The following PDE1C variants were observed in gnomAD, a reference collection of about 807,000 sequenced individuals.
PDE1C encodes phosphodiesterase 1C, also known as dual specificity calcium/calmodulin-dependent 3',5'-cyclic nucleotide phosphodiesterase 1C.
A neutral mutation model predicts 93.1 loss-of-function variants in PDE1C; 62 were observed. The ratio of observed to expected loss-of-function variants is 0.67; its 90% CI spans 0.54 to 0.82. The LOEUF (loss-of-function observed/expected upper bound fraction) is 0.82, where lower values mean the gene tolerates loss of function less well. PDE1C is among the 40% of genes least tolerant of loss of function. The pLI is 0.00. For synonymous variants in PDE1C, 325 were observed against 310.1 expected, an observed-to-expected ratio of 1.05 and a Z score of -0.50; for missense variants, 742 against 884.6, an observed-to-expected ratio of 0.84 and a Z score of 2.04.
At chr7:32,269,253 A>G (rs1290352880) in intron 1 of PDE1C, among the ~76,000 whole-genome samples, 2 of 147,252 alleles carry the variant, frequency 1.4e-5, no homozygotes, top group East Asian at 3.9e-4. Flanking sequence ...ATTCTGAGCC[A>G]GGGGGGGTGA....
chr7:31,759,743 C>G (rs919286661), intron 17 of PDE1C, among the ~76,000 whole-genome samples: 1 of 152,296 alleles, frequency 6.6e-6, no homozygotes. Flanking sequence ...AAAAGCAATG[C>G]TCTTTTAGGA....
intron 3 of PDE1C, among the ~76,000 whole-genome samples, chr7:32,123,522 T>C (rs1799410919): frequency 6.6e-6 from 1 of 152,180 alleles, no homozygotes; most frequent in Non-Finnish European, 1.5e-5. Flanking sequence ...CAAGTTGGCT[T>C]CATCCCTGGG....
chr7:32,398,148 G>A (rs1246235092), intron 1 of PDE1C, among the ~76,000 whole-genome samples: 1 of 141,956 alleles, frequency 7.0e-6, no homozygotes, highest in Non-Finnish European at 1.5e-5. Context: ...GCAAGACTCC[G>A]TCTCAAAAAA....
chr7:31,887,251 C>T (rs1294317616), intron 2 of PDE1C, among the ~76,000 whole-genome samples: 4 of 152,128 alleles, frequency 2.6e-5, no homozygotes, highest in African/African-American at 4.8e-5. Flanking sequence ...TGTTTTGGGG[C>T]ATGCGGTTTC....
chr7:32,302,332 G>A (rs75493457), upstream of PDE1C, among the ~76,000 whole-genome samples: 3,255 of 152,260 alleles, frequency 0.021, 60 homozygotes, highest in South Asian at 0.074. Context: ...GGGAAACAAG[G>A]AGGGAAGAAG....
At chr7:32,002,461 C>CCT (rs1240891855) in intron 2 of PDE1C, among the ~76,000 whole-genome samples, 3 of 152,154 alleles carry the variant, frequency 2.0e-5, no homozygotes, top group African/African-American at 7.2e-5. Flanking sequence ...CCTCAGTTTC[C>CCT]TCATCTGTGA....
the PDE1C span, among the ~76,000 whole-genome samples, chr7:31,691,717 T>C: frequency 6.8e-6 from 1 of 147,350 alleles, no homozygotes; most frequent in Admixed American, 6.9e-5. Flanking sequence ...GATTTTCTCC[T>C]ACCATGTTTC....
At chr7:32,421,263 C>A (rs759558997) in intron 1 of PDE1C, among the ~76,000 whole-genome samples, 19 of 152,168 alleles carry the variant, frequency 1.2e-4, no homozygotes, top group Non-Finnish European at 2.6e-4. Flanking sequence ...TGCTGGCCTC[C>A]CCGCGGCCTT....
At chr7:31,860,609 T>G (rs1794583222) in intron 7 of PDE1C, among the ~76,000 whole-genome samples, 1 of 152,182 alleles carries the variant, frequency 6.6e-6, no homozygotes, top group Non-Finnish European at 1.5e-5. Context: ...ATTTATACAA[T>G]CTGGATCTTA....
chr7:31,796,522 G>T (rs552954270), intron 16 of PDE1C, among the ~76,000 whole-genome samples: 5 of 151,790 alleles, frequency 3.3e-5, no homozygotes, highest in Admixed American at 1.3e-4. Flanking sequence ...TGAAATGGAC[G>T]TTTATTACCA....
In PDE1C at chr7:31,816,007, T is replaced by C. The variant is rs1170833865; in HGVS notation, c.1730A>G (p.Asn577Ser). The C allele has an allele frequency of 8.1e-6, 13 of 1,613,922 alleles. No homozygotes were observed. The highest frequency in any genetic ancestry group is 4.0e-5 in the African/African-American group (3 of 74,916). The change falls in exon 15 of 18, where the codon AAT becomes AGT. Residue 577 changes from asparagine to serine, a missense_variant. Around this residue, in one of 4 missense-constraint regions of PDE1C, gnomAD observed 454 missense variants for 459.4 expected, o/e 0.99. Coordinates refer to ENST00000396191, the MANE Select transcript of PDE1C (RefSeq NM_001191057.4). Reference protein sequence around the residue: ...KTSGETKNQVNGTRANKSDNP... With the variant: ...KTSGETKNQVSGTRANKSDNP... The stretch of plus-strand genomic sequence containing the variant: ...GTCACTTTTGTTTGCCCGTGTTCCA[T>C]TGACTTGATTCTTAGTTTCTCCAGA...
At chr7:32,395,601 T>TA (rs1170346075) in intron 1 of PDE1C, among the ~76,000 whole-genome samples, 1 of 152,192 alleles carries the variant, frequency 6.6e-6, no homozygotes, top group Non-Finnish European at 1.5e-5. Context: ...TTACAGTTTT[T>TA]ATCTGTTATT....
chr7:31,617,837 GA>G, the PDE1C span, among the ~76,000 whole-genome samples: 1 of 152,118 alleles, frequency 6.6e-6, no homozygotes, highest in South Asian at 2.1e-4. Flanking sequence ...AGTTTCAGAA[GA>G]AAACATTTGA....
the PDE1C span, among the ~76,000 whole-genome samples, chr7:31,729,583 T>C: frequency 6.6e-6 from 1 of 152,206 alleles, no homozygotes; most frequent in Non-Finnish European, 1.5e-5. Context: ...CACCTGTTTC[T>C]CTCAAGGAAG....
chr7:32,393,048 CAAAAAAAAAAA>C (rs35905868), intron 1 of PDE1C, among the ~76,000 whole-genome samples: 1 of 48,498 alleles, frequency 2.1e-5, no homozygotes, highest in East Asian at 8.2e-4. Context: ...GACTCTGTCT[CAAAAAAAAAAA>C]AAAAAAAAAA....
intron 1 of PDE1C, among the ~76,000 whole-genome samples, chr7:32,058,852 G>A (rs920399501): frequency 6.6e-6 from 1 of 151,838 alleles, no homozygotes; most frequent in Non-Finnish European, 1.5e-5. Context: ...TTACTAGCTC[G>A]AATATTTAAC....
chr7:32,392,354 G>A (rs765033855), intron 1 of PDE1C, among the ~76,000 whole-genome samples: 7 of 152,218 alleles, frequency 4.6e-5, no homozygotes, highest in African/African-American at 9.6e-5. Flanking sequence ...TAAATTTTAC[G>A]TAACATTTAT....
intron 2 of PDE1C, among the ~76,000 whole-genome samples, chr7:31,942,534 T>C (rs146485560): frequency 0.011 from 1,603 of 152,216 alleles, 22 homozygotes; most frequent in Non-Finnish European, 0.011. Flanking sequence ...ATTAAAATGG[T>C]TGTGTGCTGC....
chr7:32,233,270 G>A lies in PDE1C; in HGVS notation c.86-23731C>T, dbSNP rs536111175. 5.3e-5 allele frequency among the ~76,000 whole-genome samples: 8 copies of A among 152,138 alleles called. No individual in the cohort carries two copies. In the South Asian group the frequency reaches 1.0e-3, roughly 20 times the overall value. On this transcript the variant is annotated intron_variant, in intron 1 of 18. Transcript: ENST00000396193. ...TTAAGAGTAGGCAGGAAAGGGAAAC[G>A]AGAAACAACAAATAGAGTGGACAAA...
Sources: gnomAD v4.1 joint callset for allele counts (sites outside exome capture counted in the v4.1 genomes callset) on GRCh38, gnomAD v4.1.1 for gene constraint, gnomAD v4.1.1 regional missense constraint, MANE v1.5 for transcripts, NCBI Gene and HGNC (gene_info 2026-07-23, HGNC 2026-07-21) for gene names.